Variants in HECTD2 observed in about 807,000 individuals in gnomAD.
HECTD2 encodes the protein probable E3 ubiquitin-protein ligase HECTD2.
In HECTD2, 35 loss-of-function variants were observed where a neutral mutation model predicts 103.2. That is an observed-to-expected ratio of 0.34 (90% CI 0.26 to 0.45). The LOEUF (loss-of-function observed/expected upper bound fraction) is 0.45, where lower values mean the gene tolerates loss of function less well. Among genes scored for constraint, HECTD2 ranks in the 20% least tolerant of loss-of-function variants. The pLI, the probability that HECTD2 is intolerant of heterozygous loss-of-function variation, is 1.00. For synonymous variants in HECTD2, 281 were observed against 329.9 expected (o/e 0.85, Z 1.61); for missense variants, 596 against 937.4 (o/e 0.64, Z 4.76).
intron 5 of HECTD2, among the ~76,000 whole-genome samples, chr10:91,467,004 G>A (rs1845553425): frequency 6.6e-6 from 1 of 151,904 alleles, no homozygotes; most frequent in Non-Finnish European, 1.5e-5. Context: ...AGGAAGACTG[G>A]CACACTCCAA....
At chr10:91,477,054 G>A (rs568971392) in intron 5 of HECTD2, among the ~76,000 whole-genome samples, 87 of 152,234 alleles carry the variant, frequency 5.7e-4, no homozygotes, top group Admixed American at 1.4e-3. Flanking sequence ...GGTGGCGGGC[G>A]CCTGTAGTCC....
intron 5 of HECTD2, among the ~76,000 whole-genome samples, chr10:91,475,840 A>G (rs1845880427): frequency 6.6e-6 from 1 of 152,186 alleles, no homozygotes; most frequent in South Asian, 2.1e-4. Context: ...TGTGGGTGAG[A>G]GGGCTGCTTT....
chr10:91,507,578 C>T (rs1847240973), intron 20 of HECTD2, among the ~76,000 whole-genome samples: 2 of 151,614 alleles, frequency 1.3e-5, no homozygotes, highest in South Asian at 2.1e-4. Context: ...TGTGAAGGAC[C>T]TCTTCAAGGA....
intron 5 of HECTD2, among the ~76,000 whole-genome samples, chr10:91,476,586 A>G (rs773167045): frequency 6.6e-5 from 10 of 152,312 alleles, no homozygotes; most frequent in African/African-American, 1.4e-4. Context: ...ATATGGCGCA[A>G]TGCCACCACC....
intron 2 of HECTD2, among the ~76,000 whole-genome samples, chr10:91,460,187 A>G (rs930793374): frequency 2.4e-4 from 37 of 152,246 alleles, no homozygotes; most frequent in African/African-American, 8.9e-4. Flanking sequence ...AAAAGGGAAG[A>G]AGCTCTATAT....
chr10:91,421,830 A>G (rs559007316), intron 1 of HECTD2, among the ~76,000 whole-genome samples: 4 of 152,342 alleles, frequency 2.6e-5, no homozygotes, highest in Admixed American at 6.5e-5. Context: ...AAATTTGAAG[A>G]AAGCATTTTA....
intron 2 of HECTD2, among the ~76,000 whole-genome samples, chr10:91,438,942 A>G (rs111889497): frequency 0.066 from 10,107 of 151,988 alleles, 901 homozygotes; most frequent in African/African-American, 0.2. Context: ...TTTTCTTGCA[A>G]ATTTGTTGAA....
intron 1 of HECTD2, among the ~76,000 whole-genome samples, chr10:91,412,912 C>T (rs1035284230): frequency 1.3e-5 from 2 of 151,916 alleles, no homozygotes; most frequent in Non-Finnish European, 1.5e-5. Context: ...CAGGGAAATA[C>T]AGCTTGTGGC....
chr10:91,453,858 C>T (rs1844944496), intron 2 of HECTD2, among the ~76,000 whole-genome samples: 1 of 152,016 alleles, frequency 6.6e-6, no homozygotes, highest in African/African-American at 2.4e-5. Context: ...TTTATGCAAA[C>T]ATCAATTGAA....
chr10:91,470,116 A>C (rs1845671667), intron 5 of HECTD2, among the ~76,000 whole-genome samples: 1 of 152,228 alleles, frequency 6.6e-6, no homozygotes, highest in African/African-American at 2.4e-5. Flanking sequence ...CCACACAATA[A>C]TAGTGGGAGA....
rs568341878 is a variant in HECTD2 at position 91,417,995 on chromosome 10, G to T, written c.139-7286G>T. ...ACAGTCCCACCAACAGTGTAAAAGT[G>T]TTCCTATTTCTCCACATCCTCTCCA... On this transcript the variant is annotated intron_variant, in intron 1 of 20. Transcript: ENST00000298068. Among the ~76,000 whole-genome samples, 17 of 152,218 alleles carry T rather than the reference G, an allele frequency of 1.1e-4. No homozygotes were observed. In the South Asian group the frequency reaches 3.3e-3, roughly 30 times the overall value.
chr10:91,474,980 C>T (rs1437749368), intron 5 of HECTD2, among the ~76,000 whole-genome samples: 1 of 152,056 alleles, frequency 6.6e-6, no homozygotes, highest in East Asian at 1.9e-4. Flanking sequence ...GAAGGGAACA[C>T]AATTGGCAAA....
At chr10:91,460,192 C>G (rs1205181877) in intron 2 of HECTD2, among the ~76,000 whole-genome samples, 1 of 152,060 alleles carries the variant, frequency 6.6e-6, no homozygotes, top group Non-Finnish European at 1.5e-5. Context: ...GGAAGAAGCT[C>G]TATATTAAGT....
intron 1 of HECTD2, among the ~76,000 whole-genome samples, chr10:91,413,673 C>T (rs1843009505): frequency 6.6e-6 from 1 of 152,192 alleles, no homozygotes; most frequent in Non-Finnish European, 1.5e-5. Context: ...TAATTACCAT[C>T]TCCCAAATCT....
intron 2 of HECTD2, among the ~76,000 whole-genome samples, chr10:91,445,171 C>T (rs1196139401): frequency 6.6e-6 from 1 of 152,134 alleles, no homozygotes; most frequent in Non-Finnish European, 1.5e-5. Flanking sequence ...TCTACAACTA[C>T]ACCCGACAAA....
intron 2 of HECTD2, among the ~76,000 whole-genome samples, chr10:91,444,043 T>C (rs1237366097): frequency 1.3e-5 from 2 of 152,078 alleles, no homozygotes; most frequent in Non-Finnish European, 2.9e-5. Flanking sequence ...AAATAAATGA[T>C]AGTCATCTCC....
intron 2 of HECTD2, among the ~76,000 whole-genome samples, chr10:91,436,785 G>A (rs1047250595): frequency 6.6e-6 from 1 of 151,972 alleles, no homozygotes; most frequent in Non-Finnish European, 1.5e-5. Context: ...CAGTTACTTT[G>A]TGATTTCCTT....
Position 91,487,535 on chromosome 10 carries a change from T to C in HECTD2, c.1095-147T>C. 1.4e-6 allele frequency: 1 copy of C among 696,854 alleles called. No individual in the cohort carries two copies. Among genetic ancestry groups the C allele is most frequent in the African/African-American group, 1.8e-5 (1 of 56,670 alleles). The allele number at this position is 696,854 out of a possible 1,614,324, so 43.2% of individuals were successfully genotyped here. On this transcript the variant is annotated intron_variant, in intron 10 of 20. Coordinates refer to ENST00000298068, the MANE Select transcript of HECTD2 (RefSeq NM_182765.6). The surrounding 1 kb of genome is among the most constrained non-coding windows in gnomAD (Gnocchi z 4.1). The stretch of plus-strand genomic sequence containing the variant: ...ACATGGCTGTGAGAATTAAAAGAAA[T>C]TATACACATACAATCATTTTGTATA...
chr10:91,493,773 A>G (rs1285192590), intron 14 of HECTD2, among the ~76,000 whole-genome samples: 1 of 152,050 alleles, frequency 6.6e-6, no homozygotes. Context: ...AATTGAAGTT[A>G]TCACTAATTT....
Sources: allele counts gnomAD v4.1 joint callset (sites outside exome capture counted in the v4.1 genomes callset), GRCh38; gene constraint gnomAD v4.1.1; non-coding constraint Gnocchi (gnomAD v3.1); transcripts MANE v1.5; gene names NCBI Gene and HGNC (gene_info 2026-07-23, HGNC 2026-07-21).